The following ZNF69 variants were observed in gnomAD, a reference collection of about 807,000 sequenced individuals.
ZNF69 encodes ZNF3.
In ZNF69, 47 loss-of-function variants were observed where a neutral mutation model predicts 50.9. That is an observed-to-expected ratio of 0.92 (90% CI 0.73 to 1.18). The LOEUF (loss-of-function observed/expected upper bound fraction) is 1.18, where lower values mean the gene tolerates loss of function less well. Ranked by LOEUF, ZNF69 falls within the 50% of genes most tolerant of loss-of-function variation. The pLI is 0.00. For missense variants in ZNF69, 717 were observed against 675.1 expected (o/e 1.06, Z -0.69); for synonymous variants, 216 against 223.1 (o/e 0.97, Z 0.29).
the ZNF69 span, among the ~76,000 whole-genome samples, chr19:11,958,878 C>CATTT: frequency 0.013 from 1,912 of 152,138 alleles, 21 homozygotes; most frequent in South Asian, 0.024. Flanking sequence ...TTTGTTTGCT[C>CATTT]ATTTATTTAT....
chr19:11,937,575 A>C, the ZNF69 span, among the ~76,000 whole-genome samples: 1 of 138,016 alleles, frequency 7.2e-6, no homozygotes, highest in Non-Finnish European at 1.5e-5. Context: ...TGCAACCTCC[A>C]CCTCCCAGGT....
chr19:11,952,605 CTG>C, the ZNF69 span, among the ~76,000 whole-genome samples: 1 of 152,204 alleles, frequency 6.6e-6, no homozygotes, highest in Non-Finnish European at 1.5e-5. Context: ...TTAAAAAACA[CTG>C]TCAAAATCCA....
the ZNF69 span, among the ~76,000 whole-genome samples, chr19:11,976,088 G>A: frequency 6.9e-6 from 1 of 145,698 alleles, no homozygotes. Context: ...TGGTCCCTGG[G>A]GTGTGGGATG....
the ZNF69 span, chr19:11,978,917 A>G: frequency 4.7e-5 from 76 of 1,614,204 alleles, 1 homozygote; most frequent in South Asian, 7.7e-4. Context: ...TTAGACATAA[A>G]AGGAGTCACA....
chr19:11,925,981 GA>G, the ZNF69 span, among the ~76,000 whole-genome samples: 1 of 152,186 alleles, frequency 6.6e-6, no homozygotes, highest in East Asian at 1.9e-4. Context: ...GAAAGGGTGG[GA>G]CCTGTGGAAG....
At position 11,905,724 on chromosome 19, in the gene ZNF69, C is replaced by A; in HGVS notation, c.1327C>A (p.Pro443Thr). 6.2e-7 allele frequency: 1 copy of A among 1,613,532 alleles called. No individual in the cohort carries two copies. The highest frequency in any genetic ancestry group is 2.2e-5 in the East Asian group (1 of 44,814). ...LHGRTHTGEK[P>T]YECQECGKAF... is the part of the protein sequence containing the mutation. ...TGGTAGGACTCACACTGGAGAGAAGCCCTATGAATGTCAGGAATGTGGGAA... is the reference window on the plus strand; with the variant it reads ...TGGTAGGACTCACACTGGAGAGAAGACCTATGAATGTCAGGAATGTGGGAA... Residue 443 changes from proline (P) to threonine (T), a missense_variant, in exon 4 of 4, where the codon CCC becomes ACC. Physicochemically the swap from Pro to Thr is conservative, Grantham distance 38. Coordinates refer to ENST00000429654, the MANE Select transcript of ZNF69 (RefSeq NM_001364730.1).
At chr19:11,947,029 T>C in the ZNF69 span, 3 of 1,274,680 alleles carry the variant, frequency 2.4e-6, no homozygotes, top group African/African-American at 1.5e-5. Context: ...TGGAAGAAAG[T>C]AAGTATAGAT....
chr19:11,923,192 C>T, the ZNF69 span, among the ~76,000 whole-genome samples: 17 of 152,354 alleles, frequency 1.1e-4, no homozygotes, highest in African/African-American at 4.1e-4. Flanking sequence ...GCGAGAGTCT[C>T]ATCCTTTGAT....
At chr19:11,950,683 A>G in the ZNF69 span, 66 of 269,398 alleles carry the variant, frequency 2.4e-4, no homozygotes, top group African/African-American at 1.2e-3. Flanking sequence ...ATTAATGTAA[A>G]CAATTATCAT....
At chr19:11,964,190 T>C in the ZNF69 span, among the ~76,000 whole-genome samples, 3 of 152,248 alleles carry the variant, frequency 2.0e-5, no homozygotes, top group Admixed American at 2.0e-4. Flanking sequence ...CTCCAGCCGC[T>C]CAGAGCAGCT....
intron 1 of ZNF69, among the ~76,000 whole-genome samples, chr19:11,890,101 G>A (rs976447370): frequency 6.6e-6 from 1 of 152,056 alleles, no homozygotes; most frequent in East Asian, 1.9e-4. Context: ...TCCATTCCCC[G>A]GAACGAGCAG....
chr19:11,903,720 C>T (rs1165445818), intron 2 of ZNF69, 21 bp downstream of exon 2: 2 of 1,612,972 alleles, frequency 1.2e-6, no homozygotes, highest in Admixed American at 3.3e-5. Flanking sequence ...CATATTCCTT[C>T]CCTCAGTCCA....
chr19:11,970,499 GAATT>G, the ZNF69 span, among the ~76,000 whole-genome samples: 1 of 152,198 alleles, frequency 6.6e-6, no homozygotes, highest in Non-Finnish European at 1.5e-5. Context: ...GGTAACTCTA[GAATT>G]AATTAAATTA....
At chr19:11,978,974 G>C in the ZNF69 span, 1 of 1,614,118 alleles carries the variant, frequency 6.2e-7, no homozygotes, top group Non-Finnish European at 8.5e-7. Flanking sequence ...AAGCATTCAC[G>C]TATCCCAGTT....
the ZNF69 span, among the ~76,000 whole-genome samples, chr19:11,971,433 T>C: frequency 6.6e-6 from 1 of 152,182 alleles, no homozygotes; most frequent in Admixed American, 6.5e-5. Context: ...TTTTTTAGAG[T>C]GATGCAAATA....
intron 3 of ZNF69, 92 bp downstream of exon 3, chr19:11,904,057 G>T (rs908255536): frequency 7.0e-7 from 1 of 1,420,832 alleles, no homozygotes; most frequent in Non-Finnish European, 9.6e-7. Context: ...CTAAGTCCAG[G>T]ATCAAATACA....
chr19:11,891,778 T>C (rs1403311888), intron 1 of ZNF69, among the ~76,000 whole-genome samples: 1 of 152,172 alleles, frequency 6.6e-6, no homozygotes, highest in Admixed American at 6.5e-5. Context: ...CAGGCTGTTT[T>C]CTTCATGGGA....
the ZNF69 span, among the ~76,000 whole-genome samples, chr19:11,954,661 T>A: frequency 6.6e-6 from 1 of 152,052 alleles, no homozygotes; most frequent in Non-Finnish European, 1.5e-5. Context: ...CGATTCCCTC[T>A]CTCTACAAAA....
chr19:11,953,681 G>A, the ZNF69 span, among the ~76,000 whole-genome samples: 1 of 152,168 alleles, frequency 6.6e-6, no homozygotes, highest in African/African-American at 2.4e-5. Flanking sequence ...TCATGGGAGG[G>A]TTTTAAGACC....
Sources: gnomAD v4.1 joint callset for allele counts (sites outside exome capture counted in the v4.1 genomes callset) on GRCh38, gnomAD v4.1.1 for gene constraint, MANE v1.5 for transcripts, NCBI Gene and HGNC (gene_info 2026-07-23, HGNC 2026-07-21) for gene names.